The following ELP4 variants were observed in gnomAD, a reference collection of about 807,000 sequenced individuals.
ELP4 encodes the protein elongator acetyltransferase complex subunit 4.
ELP4 carries 51 observed loss-of-function variants against 48.9 expected under a neutral mutation model. That is an observed-to-expected ratio of 1.04 (90% confidence interval 0.83 to 1.32). The LOEUF (loss-of-function observed/expected upper bound fraction) is 1.32. Among genes scored for constraint, ELP4 ranks in the 40% most tolerant of loss-of-function variants. The pLI is 0.00. For synonymous variants in ELP4, 210 were observed against 189.2 expected (o/e 1.11, Z -0.90); for missense variants, 519 against 514.6 (o/e 1.01, Z -0.08).
rs1173835953 is a variant in ELP4 at position 31,630,409 on chromosome 11, AC to A, written c.739-1806del. On this transcript the variant is annotated intron_variant, in intron 6 of 9. Transcript: ENST00000640961. ...GGTGGGGCAATCTCAGCTCCCTGCA[AC>A]CTCCGCCTCCCAGGTTCAAGCAATT... 2.0e-5 allele frequency among the ~76,000 whole-genome samples: 3 copies of A among 150,764 alleles called. No homozygotes were observed. In the East Asian group the frequency reaches 5.9e-4, roughly 29 times the overall value.
intron 9 of ELP4, chr11:31,715,059 A>G (rs1592247511): frequency 2.8e-6 from 1 of 353,140 alleles, no homozygotes. Context: ...AGTAACCACT[A>G]TGATAGTTCA....
intron 3 of ELP4, among the ~76,000 whole-genome samples, chr11:31,589,821 C>G (rs1957538728): frequency 6.6e-6 from 1 of 152,174 alleles, no homozygotes; most frequent in South Asian, 2.1e-4. Flanking sequence ...CAGTTCTACA[C>G]TTGTCCACAA....
chr11:31,630,163 G>T (rs1944830163), intron 6 of ELP4, among the ~76,000 whole-genome samples: 2 of 148,012 alleles, frequency 1.4e-5, no homozygotes, highest in African/African-American at 2.5e-5. Context: ...TGCCTACATA[G>T]TACAATCATG....
chr11:31,685,407 G>A (rs1231693343), intron 9 of ELP4, among the ~76,000 whole-genome samples: 1 of 151,766 alleles, frequency 6.6e-6, no homozygotes, highest in Non-Finnish European at 1.5e-5. Flanking sequence ...AAAATCTAAA[G>A]TTACTGAATA....
intron 3 of ELP4, among the ~76,000 whole-genome samples, chr11:31,548,553 A>G (rs949244151): frequency 2.0e-5 from 3 of 152,194 alleles, no homozygotes; most frequent in African/African-American, 7.2e-5. Context: ...GAAAATGGCC[A>G]TACTGCCCAA....
intron 3 of ELP4, among the ~76,000 whole-genome samples, chr11:31,577,424 A>C (rs1459007935): frequency 6.6e-6 from 1 of 152,116 alleles, no homozygotes; most frequent in East Asian, 1.9e-4. Flanking sequence ...AATTCTCCCT[A>C]ACTCATTTTA....
intron 3 of ELP4, among the ~76,000 whole-genome samples, chr11:31,561,842 T>C (rs1227830596): frequency 6.6e-6 from 1 of 152,216 alleles, no homozygotes; most frequent in Non-Finnish European, 1.5e-5. Context: ...GTAAGAAAAT[T>C]GATAAAATTA....
rs148590434 is a variant in ELP4 at position 31,725,921 on chromosome 11, G to A, written c.1144-57472G>A. On this transcript the variant is annotated intron_variant, in intron 9 of 9. Coordinates refer to ENST00000640961, the MANE Select transcript of ELP4 (RefSeq NM_019040.5). ...TAGAAGGAGTAATTTTTGATGCAGC[G>A]TCAAGTTCTTGAGAAATTCTTGACA... Among the ~76,000 whole-genome samples the A allele has an allele frequency of 3.9e-3, 591 of 152,252 alleles. 5 individuals carry two copies. The highest frequency in any genetic ancestry group is 0.011 in the African/African-American group (463 of 41,546).
chr11:31,552,000 T>C (rs1346510163), intron 3 of ELP4, among the ~76,000 whole-genome samples: 2 of 152,168 alleles, frequency 1.3e-5, no homozygotes, highest in African/African-American at 4.8e-5. Context: ...GCAATTCTGA[T>C]GTAATAAAAT....
intron 9 of ELP4, among the ~76,000 whole-genome samples, chr11:31,760,537 AC>A (rs1325845387): frequency 6.6e-6 from 1 of 152,208 alleles, no homozygotes; most frequent in Non-Finnish European, 1.5e-5. Context: ...TATTATAAAA[AC>A]ATTAGAAGAC....
intron 3 of ELP4, among the ~76,000 whole-genome samples, chr11:31,560,713 GT>G (rs1238583769): frequency 6.7e-6 from 1 of 148,414 alleles, no homozygotes; most frequent in African/African-American, 2.5e-5. Flanking sequence ...AAACAACGTT[GT>G]TTTATATATA....
intron 5 of ELP4, among the ~76,000 whole-genome samples, chr11:31,605,091 A>G (rs768574699): frequency 1.3e-5 from 2 of 152,010 alleles, no homozygotes; most frequent in Non-Finnish European, 2.9e-5. Context: ...TGTCAGATTT[A>G]TCTTTCTTTT....
chr11:31,751,943 CTT>C (rs1180566790), intron 9 of ELP4, among the ~76,000 whole-genome samples: 1 of 152,090 alleles, frequency 6.6e-6, no homozygotes. Flanking sequence ...ATCTACATAA[CTT>C]TATTACAACT....
chr11:31,524,391 T>C (rs987935675), intron 2 of ELP4, among the ~76,000 whole-genome samples: 2 of 152,234 alleles, frequency 1.3e-5, no homozygotes, highest in African/African-American at 4.8e-5. Context: ...GCCCTCTCCA[T>C]AGGGCATCTC....
chr11:31,676,690 T>C (rs1945932782), intron 9 of ELP4, among the ~76,000 whole-genome samples: 1 of 152,194 alleles, frequency 6.6e-6, no homozygotes, highest in Non-Finnish European at 1.5e-5. Flanking sequence ...AGACACTGTA[T>C]AGGCACTTTG....
At chr11:31,510,375 T>C (rs1955967313) in intron 1 of ELP4, 4 of 457,482 alleles carry the variant, frequency 8.7e-6, no homozygotes, top group African/African-American at 7.7e-5. Flanking sequence ...TCCAGGCAGC[T>C]CACGGTTTAG....
intron 3 of ELP4, among the ~76,000 whole-genome samples, chr11:31,587,023 A>C (rs2133979623): frequency 6.6e-6 from 1 of 152,220 alleles, no homozygotes; most frequent in Non-Finnish European, 1.5e-5. Flanking sequence ...TGTCAGGGAG[A>C]GCTTCCTTTG....
chr11:31,772,759 T>G (rs1416813345), intron 9 of ELP4, among the ~76,000 whole-genome samples: 1 of 152,178 alleles, frequency 6.6e-6, no homozygotes, highest in Non-Finnish European at 1.5e-5. Flanking sequence ...TTGTTTTATA[T>G]TCAAGGGTTC....
At chr11:31,545,419 A>T (rs993450160) in intron 3 of ELP4, among the ~76,000 whole-genome samples, 7 of 152,190 alleles carry the variant, frequency 4.6e-5, no homozygotes, top group Non-Finnish European at 8.8e-5. Context: ...TGAAGCGAGA[A>T]GGGAAGTTTA....
Sources: gnomAD v4.1 joint callset for allele counts (sites outside exome capture counted in the v4.1 genomes callset) on GRCh38, gnomAD v4.1.1 for gene constraint, MANE v1.5 for transcripts, NCBI Gene and HGNC (gene_info 2026-07-23, HGNC 2026-07-21) for gene names.